The following KLF8 variants were observed in gnomAD, a reference collection of about 807,000 sequenced individuals.
KLF8 encodes Krueppel-like factor 8.
A neutral mutation model predicts 18.2 loss-of-function variants in KLF8; 10 were observed. That is an observed-to-expected ratio of 0.55 (90% confidence interval 0.34 to 0.93). The LOEUF (loss-of-function observed/expected upper bound fraction) is 0.93, where lower values mean the gene tolerates loss of function less well. KLF8 is among the 40% of genes least tolerant of loss of function. KLF8 has a pLI of 0.02. For synonymous variants in KLF8, 109 were observed against 97.3 expected (o/e 1.12, Z -0.71); for missense variants, 264 against 277.9 (o/e 0.95, Z 0.36).
chrX:56,280,090 C>A (rs2067180220), intron 5 of KLF8, among the ~76,000 whole-genome samples: 1 of 111,816 alleles, frequency 8.9e-6, no homozygotes, highest in African/African-American at 3.3e-5. Context: ...CTTCATCTCC[C>A]CTGAGTTTGC....
At chrX:55,954,371 A>C in the KLF8 span, among the ~76,000 whole-genome samples, 4 of 111,917 alleles carry the variant, frequency 3.6e-5, no homozygotes, top group African/African-American at 6.5e-5. Flanking sequence ...TATACTTCAC[A>C]AAAAAATAGA....
At chrX:56,221,497 C>T in the KLF8 span, among the ~76,000 whole-genome samples, 1 of 111,731 alleles carries the variant, frequency 9.0e-6, no homozygotes, top group Non-Finnish European at 1.9e-5. Flanking sequence ...TGCGGACCCT[C>T]GCGGTGAGTG....
the KLF8 span, among the ~76,000 whole-genome samples, chrX:55,919,136 CAG>C: frequency 8.9e-6 from 1 of 112,165 alleles, no homozygotes; most frequent in Non-Finnish European, 1.9e-5. Context: ...GGATGAGACT[CAG>C]GGTGTGGTCC....
the KLF8 span, among the ~76,000 whole-genome samples, chrX:56,145,617 C>T: frequency 1.8e-5 from 2 of 111,863 alleles, no homozygotes; most frequent in African/African-American, 3.2e-5. Flanking sequence ...AATATTATTC[C>T]GTTATATAGA....
chrX:56,095,782 A>G, the KLF8 span, among the ~76,000 whole-genome samples: 1 of 111,664 alleles, frequency 9.0e-6, no homozygotes, highest in Middle Eastern at 4.8e-3. Context: ...GATGGCTATC[A>G]TTAAAAAGTA....
At chrX:56,133,898 A>T in the KLF8 span, among the ~76,000 whole-genome samples, 55,925 of 104,197 alleles carry the variant, frequency 0.54, 13,523 homozygotes, top group Non-Finnish European at 0.73. Context: ...TAAATCAAGA[A>T]CTGAACCCCT....
the KLF8 span, among the ~76,000 whole-genome samples, chrX:56,175,895 G>A: frequency 7.2e-5 from 8 of 111,189 alleles, no homozygotes; most frequent in Admixed American, 7.7e-4. Context: ...TTTAAAGTTT[G>A]TTTTATCAGA....
the KLF8 span, among the ~76,000 whole-genome samples, chrX:55,944,556 T>C: frequency 8.9e-6 from 1 of 111,839 alleles, no homozygotes; most frequent in Non-Finnish European, 1.9e-5. Context: ...TGGTTTAGTC[T>C]TGGCAGGGTG....
the KLF8 span, among the ~76,000 whole-genome samples, chrX:56,010,977 C>A: frequency 8.9e-6 from 1 of 112,210 alleles, no homozygotes; most frequent in Non-Finnish European, 1.9e-5. Context: ...GAAAGAAATT[C>A]TTGGAGACCT....
At chrX:56,021,089 A>C in the KLF8 span, among the ~76,000 whole-genome samples, 1 of 112,565 alleles carries the variant, frequency 8.9e-6, no homozygotes, top group Admixed American at 9.4e-5. Context: ...TCAATTTAAC[A>C]TACCTGTGTA....
At chrX:56,048,317 G>T in the KLF8 span, among the ~76,000 whole-genome samples, 1 of 111,887 alleles carries the variant, frequency 8.9e-6, no homozygotes, top group Admixed American at 9.5e-5. Flanking sequence ...ATTGTCTTTG[G>T]TGTTTTAGAC....
the KLF8 span, among the ~76,000 whole-genome samples, chrX:56,126,447 C>T: frequency 8.9e-6 from 1 of 112,074 alleles, no homozygotes; most frequent in African/African-American, 3.2e-5. Flanking sequence ...TTTATTCTAA[C>T]ACATCAGCTA....
chrX:55,927,745 G>A, the KLF8 span, among the ~76,000 whole-genome samples: 2 of 111,512 alleles, frequency 1.8e-5, no homozygotes, highest in African/African-American at 6.5e-5. Flanking sequence ...CCTTTTTATA[G>A]TTATTTTTGT....
At chrX:56,165,091 T>C in the KLF8 span, among the ~76,000 whole-genome samples, 2 of 108,756 alleles carry the variant, frequency 1.8e-5, no homozygotes, top group African/African-American at 6.7e-5. Flanking sequence ...CTCATCATTT[T>C]TTATGGCTGC....
At chrX:56,079,636 G>T in the KLF8 span, among the ~76,000 whole-genome samples, 2 of 111,810 alleles carry the variant, frequency 1.8e-5, no homozygotes, top group East Asian at 5.6e-4. Flanking sequence ...GTGGTGGAGA[G>T]TTCTGTAGAT....
chrX:55,999,057 G>T, the KLF8 span, among the ~76,000 whole-genome samples: 1 of 109,308 alleles, frequency 9.1e-6, no homozygotes, highest in African/African-American at 3.3e-5. Flanking sequence ...ACTTTGGCTT[G>T]TGGCTATTTA....
rs1290711500 is a variant in KLF8 at position 56,289,098 on chromosome X, A to G, written c.*4604A>G. Among the ~76,000 whole-genome samples the G allele has an allele frequency of 8.9e-6, 1 of 112,359 alleles. No homozygotes were observed. The highest frequency in any genetic ancestry group is 1.9e-5 in the Non-Finnish European group (1 of 53,347). ...TCTCTTCTCCCCCATTTATTTATTT[A>G]TACAATACTTTATTTATATCAGCAT... is the stretch of plus-strand genomic sequence containing the variant. On this transcript the variant is annotated 3_prime_UTR_variant, in exon 6 of 6. Coordinates refer to ENST00000468660, the MANE Select transcript of KLF8 (RefSeq NM_007250.5).
At position 56,289,866 on chromosome X, in the gene KLF8, G is replaced by A. The variant is rs1477276355; in HGVS notation, c.*5372G>A. The stretch of plus-strand genomic sequence containing the variant: ...AGTGGTCTGCAAAATTCTGGAATTA[G>A]GGATTTCTGTGATCTGAGTTCCAAG... On this transcript the variant is annotated 3_prime_UTR_variant, in exon 6 of 6. Transcript: ENST00000468660. Among the ~76,000 whole-genome samples the A allele has an allele frequency of 9.0e-6, 1 of 111,468 alleles. No individual in the cohort carries two copies. Among genetic ancestry groups the A allele is most frequent in the Non-Finnish European group, 1.9e-5 (1 of 53,075 alleles).
At chrX:56,128,015 G>A in the KLF8 span, among the ~76,000 whole-genome samples, 2 of 112,060 alleles carry the variant, frequency 1.8e-5, no homozygotes, top group Admixed American at 1.9e-4. Context: ...CATCAGGAGG[G>A]TAATGCTTGA....
Sources: allele counts gnomAD v4.1 joint callset (sites outside exome capture counted in the v4.1 genomes callset), GRCh38; gene constraint gnomAD v4.1.1; transcripts MANE v1.5; gene names NCBI Gene and HGNC (gene_info 2026-07-23, HGNC 2026-07-21).